NDST4: variants seen among roughly 807,000 people sequenced by gnomAD.
NDST4 encodes the protein N-deacetylase and N-sulfotransferase 4.
NDST4 carries 63 observed loss-of-function variants against 100.8 expected under a neutral mutation model. That is an observed-to-expected ratio of 0.62 (90% CI 0.51 to 0.77). The LOEUF (loss-of-function observed/expected upper bound fraction) is 0.77. NDST4 is among the 30% of genes least tolerant of loss of function. The probability of loss-of-function intolerance (pLI) is 0.00; values close to 1 mark genes in which losing one functional copy is unlikely to be tolerated. For synonymous variants in NDST4, 377 were observed against 361.8 expected (o/e 1.04, Z -0.48); for missense variants, 943 against 1,018.4 (o/e 0.93, Z 1.01).
intron 7 of NDST4, among the ~76,000 whole-genome samples, chr4:114,864,998 G>A (rs954143154): frequency 2.0e-5 from 3 of 152,068 alleles, no homozygotes; most frequent in East Asian, 3.8e-4. Flanking sequence ...ATTTTCCCAT[G>A]AGGTAGTCTC....
chr4:115,068,771 GCAC>G (rs1729006794), intron 2 of NDST4, among the ~76,000 whole-genome samples: 1 of 144,392 alleles, frequency 6.9e-6, no homozygotes, highest in African/African-American at 2.6e-5. Flanking sequence ...AGCCCAGATT[GCAC>G]CACTGCACTC....
Position 115,076,146 on chromosome 4 carries a change from T to A in NDST4, c.891A>T (p.Thr297=). Residue 297 remains threonine, a synonymous_variant, in exon 2 of 14, where the codon ACA becomes ACT. Transcript: ENST00000264363. ...AISFLSGKRL[T]LSLDRYILVD... ...CAAGGATGTACCTGTCCAAGGACAATGTCAGCCTCTTCCCTGACAAGAAGG... is the reference window on the plus strand; with the variant it reads ...CAAGGATGTACCTGTCCAAGGACAAAGTCAGCCTCTTCCCTGACAAGAAGG... 1 of 1,614,012 alleles carries A rather than the reference T, an allele frequency of 6.2e-7. No homozygotes were observed. Among genetic ancestry groups the A allele is most frequent in the Non-Finnish European group, 8.5e-7 (1 of 1,179,936 alleles).
At chr4:114,833,557 T>C in intron 12 of NDST4, 49 bp downstream of exon 12, 2 of 1,256,588 alleles carry the variant, frequency 1.6e-6, no homozygotes, top group Non-Finnish European at 2.3e-6. Flanking sequence ...CAGTGATAAT[T>C]TATGATGGCA....
At chr4:114,990,908 C>G (rs1279537923) in intron 2 of NDST4, among the ~76,000 whole-genome samples, 1 of 152,042 alleles carries the variant, frequency 6.6e-6, no homozygotes, top group East Asian at 1.9e-4. Context: ...GTGCTGTGTT[C>G]TGCATTGTTA....
chr4:114,861,778 C>T (rs1723922623), intron 7 of NDST4, among the ~76,000 whole-genome samples: 1 of 151,984 alleles, frequency 6.6e-6, no homozygotes, highest in African/African-American at 2.4e-5. Flanking sequence ...CTGCCTGGTT[C>T]CTGCAACTCA....
chr4:115,102,097 T>C (rs995795205), intron 1 of NDST4, among the ~76,000 whole-genome samples: 7 of 152,224 alleles, frequency 4.6e-5, no homozygotes, highest in African/African-American at 9.6e-5. Flanking sequence ...AATCAACTTA[T>C]AGCCAGCAGC....
Position 114,963,206 on chromosome 4 carries a change from A to C in NDST4, c.1221+7224T>G, listed in dbSNP as rs533132059. On this transcript the variant is annotated intron_variant, in intron 4 of 13. Coordinates refer to ENST00000264363, the MANE Select transcript of NDST4 (RefSeq NM_022569.3). ...GATAAGGAATGGATATATAATAGGTAAAGAAAATATGATAGAGCCATACAA... is the reference window on the plus strand; with the variant it reads ...GATAAGGAATGGATATATAATAGGTCAAGAAAATATGATAGAGCCATACAA... Among the ~76,000 whole-genome samples, 248 of 152,288 alleles carry C rather than the reference A, an allele frequency of 1.6e-3. 2 individuals carry two copies. The highest frequency in any genetic ancestry group is 5.7e-3 in the African/African-American group (238 of 41,578).
intron 2 of NDST4, among the ~76,000 whole-genome samples, chr4:114,997,621 C>T (rs565423233): frequency 7.2e-5 from 11 of 152,036 alleles, no homozygotes; most frequent in South Asian, 4.2e-4. Context: ...TGAAACTTTT[C>T]CTAACTTCCT....
intron 6 of NDST4, among the ~76,000 whole-genome samples, chr4:114,914,237 A>T (rs1053785930): frequency 3.9e-5 from 6 of 152,096 alleles, no homozygotes; most frequent in African/African-American, 1.4e-4. Flanking sequence ...GTACAAAAAA[A>T]TAGAAAAATA....
intron 2 of NDST4, among the ~76,000 whole-genome samples, chr4:115,049,081 T>C (rs1728526212): frequency 6.6e-6 from 1 of 152,212 alleles, no homozygotes. Flanking sequence ...TGTTCAATTA[T>C]TTTTGTTGAA....
At chr4:114,935,015 G>A (rs1408010569) in intron 6 of NDST4, 191 bp downstream of exon 6, 1 of 315,634 alleles carries the variant, frequency 3.2e-6, no homozygotes, top group Admixed American at 5.2e-5. Context: ...ACTTTGTAAT[G>A]AAATCTACTG....
chr4:114,907,120 C>A (rs1226492794), intron 6 of NDST4, among the ~76,000 whole-genome samples: 1 of 152,074 alleles, frequency 6.6e-6, no homozygotes, highest in Non-Finnish European at 1.5e-5. Flanking sequence ...TTACCCCTGA[C>A]AATCAAATTT....
intron 2 of NDST4, among the ~76,000 whole-genome samples, chr4:115,043,550 G>A (rs1464597667): frequency 6.6e-6 from 1 of 152,036 alleles, no homozygotes; most frequent in Non-Finnish European, 1.5e-5. Flanking sequence ...GCATCATGGA[G>A]TGAGGAAGAT....
At chr4:115,071,138 AAAAAT>A (rs1001924510) in intron 2 of NDST4, among the ~76,000 whole-genome samples, 3 of 150,424 alleles carry the variant, frequency 2.0e-5, no homozygotes, top group African/African-American at 7.5e-5. Context: ...AATAAAATAA[AAAAAT>A]AAAAAATAAA....
intron 6 of NDST4, among the ~76,000 whole-genome samples, chr4:114,893,043 C>A (rs1724632717): frequency 6.6e-6 from 1 of 152,042 alleles, no homozygotes; most frequent in South Asian, 2.1e-4. Flanking sequence ...TGGTTTCCAT[C>A]TTCATCCATG....
At chr4:115,093,294 T>C (rs2126295641) in intron 1 of NDST4, among the ~76,000 whole-genome samples, 1 of 151,954 alleles carries the variant, frequency 6.6e-6, no homozygotes, top group African/African-American at 2.4e-5. Flanking sequence ...GCTAACACGG[T>C]GAAACCCCAT....
intron 2 of NDST4, among the ~76,000 whole-genome samples, chr4:115,011,403 C>T (rs1405041517): frequency 2.0e-5 from 3 of 151,898 alleles, no homozygotes; most frequent in Admixed American, 1.3e-4. Flanking sequence ...CTTTATACTT[C>T]ATGCACCATC....
intron 6 of NDST4, among the ~76,000 whole-genome samples, chr4:114,911,192 C>A (rs142790006): frequency 6.6e-6 from 1 of 151,950 alleles, no homozygotes; most frequent in Admixed American, 6.6e-5. Flanking sequence ...GTTCGCATTG[C>A]GTGACTTAGT....
chr4:115,040,413 AT>A (rs1247082133), intron 2 of NDST4, among the ~76,000 whole-genome samples: 3 of 150,952 alleles, frequency 2.0e-5, no homozygotes, highest in Non-Finnish European at 3.0e-5. Context: ...TGAAATTATT[AT>A]TCTAAGACTG....
Sources: gnomAD v4.1 joint callset for allele counts (sites outside exome capture counted in the v4.1 genomes callset) on GRCh38, gnomAD v4.1.1 for gene constraint, MANE v1.5 for transcripts, NCBI Gene and HGNC (gene_info 2026-07-23, HGNC 2026-07-21) for gene names.